TXNL4A: variants seen among roughly 807,000 people sequenced by gnomAD.
The protein encoded by TXNL4A is thioredoxin like 4A.
A neutral mutation model predicts 14.6 loss-of-function variants in TXNL4A; 17 were observed. That is an observed-to-expected ratio of 1.16 (90% CI 0.80 to 1.74). TXNL4A has a LOEUF of 1.74. TXNL4A is among the 40% of genes most tolerant of loss of function. The pLI, the probability that TXNL4A is intolerant of heterozygous loss-of-function variation, is 0.00. For synonymous variants in TXNL4A, 83 were observed against 70.6 expected, an observed-to-expected ratio of 1.18 and a Z score of -0.88; for missense variants, 74 against 195.2, an observed-to-expected ratio of 0.38 and a Z score of 3.70.
At position 79,982,277 on chromosome 18, in the gene TXNL4A, C is replaced by T. The variant is rs1439986172; in HGVS notation, c.154-4576G>A. ...GGACTGGCCCACAGAGGACCTTTTC[C>T]ACTTGGGATTCTGGGCCATGTATTT... On this transcript the variant is annotated intron_variant, in intron 1 of 2. Transcript: ENST00000269601. This position sits in a 1 kb window ranked among gnomAD's most constrained non-coding sequence, Gnocchi z 4.0. 6.6e-6 allele frequency among the ~76,000 whole-genome samples: 1 copy of T among 152,174 alleles called. No individual in the cohort carries two copies. The highest frequency in any genetic ancestry group is 2.4e-5 in the African/African-American group (1 of 41,442).
At chr18:79,975,226 C>T (rs945871726) in intron 2 of TXNL4A, among the ~76,000 whole-genome samples, 11 of 152,224 alleles carry the variant, frequency 7.2e-5, no homozygotes, top group Non-Finnish European at 1.3e-4. Context: ...CTGTTTCTAT[C>T]AGACAACGTC....
upstream of TXNL4A, among the ~76,000 whole-genome samples, chr18:79,990,323 T>C (rs992878341): frequency 6.6e-6 from 1 of 152,252 alleles, no homozygotes; most frequent in Non-Finnish European, 1.5e-5. Flanking sequence ...CATTTTATAA[T>C]TGAGTAAAGC....
At chr18:79,998,613 G>A (rs976373471) in intron 1 of TXNL4A, among the ~76,000 whole-genome samples, 60 of 149,542 alleles carry the variant, frequency 4.0e-4, no homozygotes, top group African/African-American at 1.3e-3. Context: ...GCCTCCTTGT[G>A]TGAGAGCAGT....
chr18:80,010,573 C>T (rs1036264452), intron 1 of TXNL4A, among the ~76,000 whole-genome samples: 8 of 152,148 alleles, frequency 5.3e-5, no homozygotes, highest in Admixed American at 5.2e-4. Context: ...GCCCACTGTG[C>T]CCATGCCCAA....
intron 2 of TXNL4A, 66 bp downstream of exon 2, chr18:79,977,532 T>A (rs2051397026): frequency 2.3e-6 from 3 of 1,311,954 alleles, no homozygotes; most frequent in East Asian, 4.6e-5. Context: ...TCTAAAGAGA[T>A]CTTGATTACA....
chr18:80,029,065 C>G (rs2051903960), intron 1 of TXNL4A, among the ~76,000 whole-genome samples: 1 of 152,206 alleles, frequency 6.6e-6, no homozygotes, highest in Admixed American at 6.5e-5. Context: ...CAGAGCAGAG[C>G]TCCTGCAAAA....
chr18:79,973,949 G>C (rs2051339992), intron 2 of TXNL4A, 93 bp from the exon 3 acceptor site: 1 of 1,533,950 alleles, frequency 6.5e-7, no homozygotes. Context: ...ACTGTGACAA[G>C]CTCTTGTTAA....
intron 2 of TXNL4A, among the ~76,000 whole-genome samples, chr18:79,975,787 C>T (rs535530760): frequency 6.6e-6 from 1 of 152,168 alleles, no homozygotes; most frequent in South Asian, 2.1e-4. Context: ...AAAAGCAACA[C>T]ACTCGGGATA....
chr18:79,999,536 CAAA>C (rs1215965310), intron 1 of TXNL4A, among the ~76,000 whole-genome samples: 6 of 34,484 alleles, frequency 1.7e-4, no homozygotes, highest in Non-Finnish European at 2.7e-4. Context: ...GACTCCATCT[CAAA>C]AAAAAAAAAA....
At chr18:80,026,726 C>A (rs1234424244) in intron 1 of TXNL4A, among the ~76,000 whole-genome samples, 1 of 128,238 alleles carries the variant, frequency 7.8e-6, no homozygotes, top group Non-Finnish European at 1.7e-5. Flanking sequence ...GTGTGACGTG[C>A]TCAGCAGGTC....
chr18:80,033,425 T>C (rs907613586), intron 1 of TXNL4A, among the ~76,000 whole-genome samples: 1 of 152,122 alleles, frequency 6.6e-6, no homozygotes, highest in African/African-American at 2.4e-5. Flanking sequence ...GCTTCCCCGC[T>C]GGGCCACGCT....
At chr18:79,980,564 T>G (rs2051447445) in intron 1 of TXNL4A, among the ~76,000 whole-genome samples, 1 of 152,138 alleles carries the variant, frequency 6.6e-6, no homozygotes, top group African/African-American at 2.4e-5. Flanking sequence ...TGGGAAATAT[T>G]TTTTAAAAAT....
At position 79,973,810 on chromosome 18, in the gene TXNL4A, T is replaced by C. The variant is rs1168739606; in HGVS notation, c.304A>G (p.Ile102Val). The change falls in exon 3 of 3, where the codon ATT becomes GTT. Residue 102 changes from isoleucine (I) to valine (V), a missense_variant. Ile to Val is a conservative substitution (Grantham distance 29). Around this residue, in one of 3 missense-constraint regions of TXNL4A, gnomAD observed 0 missense variants for 18.5 expected, o/e 0.00. Transcript: ENST00000269601. ...IDLGTGNNNK[I>V]NWAMEDKQEM... The stretch of plus-strand genomic sequence containing the variant: ...TGCTTGTCCTCCATGGCCCAGTTAA[T>C]CTTGTTGTTGTTGCCAGTCCCCAAG... 6.2e-7 allele frequency: 1 copy of C among 1,614,008 alleles called. No homozygotes were observed. Among genetic ancestry groups the C allele is most frequent in the African/African-American group, 1.3e-5 (1 of 74,914 alleles).
At chr18:80,031,768 G>A (rs1343854997) in intron 1 of TXNL4A, among the ~76,000 whole-genome samples, 1 of 152,178 alleles carries the variant, frequency 6.6e-6, no homozygotes, top group Admixed American at 6.5e-5. Context: ...TGAATGTTGT[G>A]TGTATATTCC....
upstream of TXNL4A, chr18:79,988,680 G>C (rs1383705055): frequency 3.6e-5 from 9 of 253,402 alleles, no homozygotes; most frequent in Non-Finnish European, 6.0e-5. Context: ...CGGGTGGAGC[G>C]GCGGCGACCT....
upstream of TXNL4A, among the ~76,000 whole-genome samples, chr18:79,989,647 T>C (rs2051610789): frequency 6.6e-6 from 1 of 152,220 alleles, no homozygotes; most frequent in African/African-American, 2.4e-5. Flanking sequence ...ATATTGATAG[T>C]AAAACTCTTG....
chr18:80,023,460 G>A (rs2051863300), intron 1 of TXNL4A, among the ~76,000 whole-genome samples: 1 of 152,180 alleles, frequency 6.6e-6, no homozygotes, highest in African/African-American at 2.4e-5. Flanking sequence ...ATTCTTTCCA[G>A]GCAAAAGTTA....
intron 1 of TXNL4A, among the ~76,000 whole-genome samples, chr18:80,009,888 C>G (rs542849045): frequency 1.9e-3 from 285 of 152,220 alleles, no homozygotes; most frequent in African/African-American, 6.6e-3. Context: ...TTTCCCTTAT[C>G]AGTTGAGTGT....
upstream of TXNL4A, among the ~76,000 whole-genome samples, chr18:79,989,611 C>T (rs2051610388): frequency 6.6e-6 from 1 of 152,212 alleles, no homozygotes; most frequent in Non-Finnish European, 1.5e-5. Context: ...TGGGTTCATG[C>T]TGGAGACTCC....
Sources: allele counts gnomAD v4.1 joint callset (sites outside exome capture counted in the v4.1 genomes callset), GRCh38; gene constraint gnomAD v4.1.1; regional missense constraint gnomAD v4.1.1; non-coding constraint Gnocchi (gnomAD v3.1); transcripts MANE v1.5; gene names NCBI Gene and HGNC (gene_info 2026-07-23, HGNC 2026-07-21).